The following NLGN1 variants were observed in gnomAD, a reference collection of about 807,000 sequenced individuals.
NLGN1 encodes the protein neuroligin-1.
A neutral mutation model predicts 65.5 loss-of-function variants in NLGN1; 12 were observed. The observed-to-expected ratio is 0.18, with a 90% CI of 0.12 to 0.30. The LOEUF is 0.30. NLGN1 is among the 10% of genes least tolerant of loss of function. The pLI, the probability that NLGN1 is intolerant of heterozygous loss-of-function variation, is 1.00. For synonymous variants in NLGN1, 350 were observed against 359.5 expected, an observed-to-expected ratio of 0.97 and a Z score of 0.30; for missense variants, 750 against 1,007.1, an observed-to-expected ratio of 0.74 and a Z score of 3.46.
chr3:173,527,594 T>G (rs1417074656), intron 2 of NLGN1, among the ~76,000 whole-genome samples: 1 of 152,172 alleles, frequency 6.6e-6, no homozygotes, highest in Admixed American at 6.5e-5. Context: ...AGGCAAAGTT[T>G]CACCATGTTA....
intron 4 of NLGN1, among the ~76,000 whole-genome samples, chr3:173,983,535 T>C (rs1447922804): frequency 1.3e-5 from 2 of 152,148 alleles, no homozygotes; most frequent in African/African-American, 4.8e-5. Context: ...TGAATCACAA[T>C]CTCTGGGGCT....
chr3:174,057,793 A>C (rs1409301169), intron 4 of NLGN1: 1 of 152,110 alleles, frequency 6.6e-6, no homozygotes, highest in Non-Finnish European at 1.5e-5. Context: ...AGCAGAAATC[A>C]TCTTTAGTCA....
At chr3:173,874,746 AG>A (rs908550858) in intron 4 of NLGN1, among the ~76,000 whole-genome samples, 2 of 152,170 alleles carry the variant, frequency 1.3e-5, no homozygotes, top group Non-Finnish European at 2.9e-5. Flanking sequence ...CTGTATAAAA[AG>A]CTTAGGATTA....
At chr3:173,497,621 C>G (rs905401255) in intron 2 of NLGN1, among the ~76,000 whole-genome samples, 1 of 151,554 alleles carries the variant, frequency 6.6e-6, no homozygotes. Context: ...AGTGTGTAAG[C>G]TACAAAAAAT....
intron 3 of NLGN1, among the ~76,000 whole-genome samples, chr3:173,622,452 A>G (rs1216140835): frequency 1.3e-5 from 2 of 152,052 alleles, no homozygotes; most frequent in Non-Finnish European, 2.9e-5. Flanking sequence ...AGAATGTGGG[A>G]CATGAAGTAG....
At chr3:173,443,961 T>G (rs951477145) in intron 2 of NLGN1, among the ~76,000 whole-genome samples, 45 of 152,190 alleles carry the variant, frequency 3.0e-4, no homozygotes, top group Admixed American at 2.7e-3. Context: ...CAACATAAGA[T>G]TGTATCGATA....
At chr3:173,937,310 A>G (rs1001255894) in intron 4 of NLGN1, among the ~76,000 whole-genome samples, 3 of 152,080 alleles carry the variant, frequency 2.0e-5, no homozygotes, top group African/African-American at 4.8e-5. Context: ...TACTGAGCTT[A>G]TGAAATAATT....
intron 3 of NLGN1, among the ~76,000 whole-genome samples, chr3:173,706,978 A>AT (rs1441205780): frequency 3.3e-5 from 5 of 152,182 alleles, no homozygotes; most frequent in Admixed American, 2.0e-4. Flanking sequence ...AGTCACAGCC[A>AT]TTTTTTATTG....
chr3:173,545,916 G>A (rs1255862697), intron 2 of NLGN1, among the ~76,000 whole-genome samples: 1 of 152,000 alleles, frequency 6.6e-6, no homozygotes, highest in Non-Finnish European at 1.5e-5. Context: ...GACACAGGGA[G>A]GGGAACATCA....
chr3:173,457,085 T>C (rs1722624563), intron 2 of NLGN1, among the ~76,000 whole-genome samples: 1 of 152,134 alleles, frequency 6.6e-6, no homozygotes, highest in African/African-American at 2.4e-5. Flanking sequence ...ATCTAGAAGA[T>C]GTATTCAGTG....
intron 3 of NLGN1, among the ~76,000 whole-genome samples, chr3:173,759,417 T>A (rs1288474209): frequency 6.6e-6 from 1 of 152,032 alleles, no homozygotes; most frequent in Non-Finnish European, 1.5e-5. Flanking sequence ...GGTTCATCAA[T>A]TAACGTCTTT....
chr3:173,766,631 C>T (rs10513716), intron 3 of NLGN1, among the ~76,000 whole-genome samples: 2 of 152,010 alleles, frequency 1.3e-5, no homozygotes, highest in Non-Finnish European at 2.9e-5. Flanking sequence ...GGAAACAGGA[C>T]GAGGTTAAGT....
chr3:173,672,283 G>T (rs973876841), intron 3 of NLGN1, among the ~76,000 whole-genome samples: 2 of 152,216 alleles, frequency 1.3e-5, no homozygotes, highest in Non-Finnish European at 2.9e-5. Flanking sequence ...TGGGATTTAT[G>T]TGCTATCTTG....
At chr3:173,621,875 T>A (rs756200963) in intron 3 of NLGN1, among the ~76,000 whole-genome samples, 25 of 152,074 alleles carry the variant, frequency 1.6e-4, no homozygotes, top group Non-Finnish European at 2.9e-4. Flanking sequence ...GCAAAATTGA[T>A]CATGGGAATG....
chr3:173,660,393 G>T (rs1560121803), intron 3 of NLGN1, among the ~76,000 whole-genome samples: 1 of 151,058 alleles, frequency 6.6e-6, no homozygotes. Context: ...AACATACTTA[G>T]AAGTCAATTC....
chr3:173,464,144 T>C (rs1723875156), intron 2 of NLGN1, among the ~76,000 whole-genome samples: 1 of 152,138 alleles, frequency 6.6e-6, no homozygotes, highest in African/African-American at 2.4e-5. Flanking sequence ...TTCAGCTTCA[T>C]AAATAATAAT....
At chr3:174,046,496 C>T (rs1733634427) in intron 4 of NLGN1, among the ~76,000 whole-genome samples, 1 of 152,028 alleles carries the variant, frequency 6.6e-6, no homozygotes, top group Non-Finnish European at 1.5e-5. Context: ...CAAGCACAAT[C>T]CCCTCCCCCA....
chr3:173,582,016 A>T (rs185295604), intron 2 of NLGN1, among the ~76,000 whole-genome samples: 2 of 152,058 alleles, frequency 1.3e-5, no homozygotes, highest in East Asian at 1.9e-4. Flanking sequence ...ATACATGTTG[A>T]TATATTTTGC....
chr3:173,759,915 C>G (rs1777711808), intron 3 of NLGN1, among the ~76,000 whole-genome samples: 1 of 151,684 alleles, frequency 6.6e-6, no homozygotes. Context: ...CATCTTTAAT[C>G]AACTGGAATT....
Sources: allele counts gnomAD v4.1 joint callset (sites outside exome capture counted in the v4.1 genomes callset), GRCh38; gene constraint gnomAD v4.1.1; transcripts MANE v1.5; gene names NCBI Gene and HGNC (gene_info 2026-07-23, HGNC 2026-07-21).